The following CNTN4 variants were observed in gnomAD, a reference collection of about 807,000 sequenced individuals.
CNTN4 encodes the protein contactin 4.
Under a neutral mutation model 122.5 loss-of-function variants are expected in CNTN4, and 77 were observed. That is an observed-to-expected ratio of 0.63 (90% CI 0.52 to 0.76). The LOEUF (loss-of-function observed/expected upper bound fraction) is 0.76. CNTN4 is among the 30% of genes least tolerant of loss of function. The pLI, the probability that CNTN4 is intolerant of heterozygous loss-of-function variation, is 0.00. For synonymous variants in CNTN4, 512 were observed against 447.0 expected (o/e 1.15, Z -1.83); for missense variants, 1,256 against 1,259.1 (o/e 1.00, Z 0.04).
chr3:2,387,848 C>CA (rs2046306214), intron 3 of CNTN4, among the ~76,000 whole-genome samples: 1 of 152,114 alleles, frequency 6.6e-6, no homozygotes, highest in Admixed American at 6.6e-5. Flanking sequence ...AGACAGAAAA[C>CA]AAAGAGCTGG....
chr3:2,325,723 G>C (rs2043431750), intron 2 of CNTN4, among the ~76,000 whole-genome samples: 1 of 152,164 alleles, frequency 6.6e-6, no homozygotes, highest in Non-Finnish European at 1.5e-5. Context: ...CCATTTAAGG[G>C]TAGCGAAAAA....
intron 3 of CNTN4, among the ~76,000 whole-genome samples, chr3:2,550,762 A>C (rs1187683215): frequency 6.6e-6 from 1 of 152,178 alleles, no homozygotes; most frequent in Non-Finnish European, 1.5e-5. Context: ...ATGGAATACT[A>C]CGTAGCCATA....
chr3:2,281,456 G>T (rs1465712370), intron 2 of CNTN4, among the ~76,000 whole-genome samples: 1 of 152,048 alleles, frequency 6.6e-6, no homozygotes, highest in Non-Finnish European at 1.5e-5. Flanking sequence ...TAATGCCCTT[G>T]AAGTGTTTTT....
chr3:2,877,023 C>G (rs915416140), intron 8 of CNTN4, among the ~76,000 whole-genome samples: 7 of 152,200 alleles, frequency 4.6e-5, no homozygotes, highest in African/African-American at 7.2e-5. Flanking sequence ...ATCAGAAACT[C>G]AAGCCTTTCA....
chr3:2,832,671 T>G (rs1377439572), intron 7 of CNTN4, among the ~76,000 whole-genome samples: 2 of 152,220 alleles, frequency 1.3e-5, no homozygotes, highest in Non-Finnish European at 2.9e-5. Flanking sequence ...TTCAGTTTAC[T>G]GTGAAAGTGG....
At chr3:2,379,231 T>G (rs1405181252) in intron 3 of CNTN4, among the ~76,000 whole-genome samples, 1 of 152,202 alleles carries the variant, frequency 6.6e-6, no homozygotes, top group African/African-American at 2.4e-5. Context: ...TTCCTTTTTT[T>G]GAATTTCTTT....
chr3:2,758,758 C>T (rs542656143), intron 6 of CNTN4, among the ~76,000 whole-genome samples: 1 of 152,168 alleles, frequency 6.6e-6, no homozygotes, highest in South Asian at 2.1e-4. Context: ...CCACCTGCCT[C>T]GGCCTCCTAA....
intron 4 of CNTN4, among the ~76,000 whole-genome samples, chr3:2,600,592 G>T (rs566060329): frequency 3.9e-5 from 6 of 152,140 alleles, no homozygotes; most frequent in Non-Finnish European, 5.9e-5. Context: ...TCTTAATCCA[G>T]TGTATCATTG....
In CNTN4 at chr3:2,993,813, G is replaced by A. The variant is rs528730213; in HGVS notation, c.1486+5341G>A. ...TCTTGTACCCCTGCTGATCTTGCAT[G>A]CTGGAAATTTCCACATGTCCTTGAG... On this transcript the variant is annotated intron_variant, in intron 14 of 24. Coordinates refer to ENST00000418658, the MANE Select transcript of CNTN4 (RefSeq NM_175607.3). 2.0e-5 allele frequency among the ~76,000 whole-genome samples: 3 copies of A among 152,314 alleles called. No individual in the cohort carries two copies. The East Asian group carries it at 5.8e-4, about 29-fold the overall frequency.
intron 13 of CNTN4, among the ~76,000 whole-genome samples, chr3:2,926,020 C>T (rs910188207): frequency 4.6e-5 from 7 of 152,214 alleles, no homozygotes; most frequent in Non-Finnish European, 1.0e-4. Context: ...CTGAAGACTG[C>T]CAGAGCTGCC....
At chr3:2,405,346 G>T (rs567888521) in intron 3 of CNTN4, among the ~76,000 whole-genome samples, 1 of 152,164 alleles carries the variant, frequency 6.6e-6, no homozygotes, top group Non-Finnish European at 1.5e-5. Context: ...TTCTTCAAAT[G>T]CTCTTTGAAG....
intron 13 of CNTN4, among the ~76,000 whole-genome samples, chr3:2,961,443 T>C (rs566277715): frequency 6.6e-6 from 1 of 152,224 alleles, no homozygotes; most frequent in Non-Finnish European, 1.5e-5. Context: ...TCTGCTAATA[T>C]AATGGACAGT....
At chr3:2,157,004 T>C (rs1341436534) in intron 2 of CNTN4, among the ~76,000 whole-genome samples, 1 of 152,186 alleles carries the variant, frequency 6.6e-6, no homozygotes. Flanking sequence ...ATGACCTTCT[T>C]CCTTTTTGCC....
intron 4 of CNTN4, among the ~76,000 whole-genome samples, chr3:2,628,568 A>G (rs1559323329): frequency 1.3e-5 from 2 of 152,214 alleles, no homozygotes; most frequent in South Asian, 4.1e-4. Flanking sequence ...TCTGATTGCC[A>G]TCAGTAGGGA....
chr3:2,791,752 C>T (rs1199719015), intron 6 of CNTN4, among the ~76,000 whole-genome samples: 1 of 152,208 alleles, frequency 6.6e-6, no homozygotes, highest in Non-Finnish European at 1.5e-5. Context: ...TAGGAATGCA[C>T]TGCCTCTAGG....
intron 4 of CNTN4, among the ~76,000 whole-genome samples, chr3:2,705,322 T>G (rs1238269855): frequency 7.0e-6 from 1 of 142,892 alleles, no homozygotes. Context: ...GAGCCGAGAT[T>G]GTGCCACTGC....
chr3:2,608,663 A>G (rs1339317613), intron 4 of CNTN4, among the ~76,000 whole-genome samples: 11 of 152,052 alleles, frequency 7.2e-5, no homozygotes, highest in African/African-American at 2.4e-4. Flanking sequence ...TTCTCTTTTT[A>G]GTAGACATGG....
chr3:2,674,092 T>A (rs1043488813), intron 4 of CNTN4, among the ~76,000 whole-genome samples: 35 of 152,118 alleles, frequency 2.3e-4, no homozygotes, highest in Non-Finnish European at 4.7e-4. Flanking sequence ...GAAAGAACCA[T>A]GAGAAATAAT....
At chr3:2,455,789 T>C (rs6776144) in intron 3 of CNTN4, among the ~76,000 whole-genome samples, 2,635 of 152,162 alleles carry the variant, frequency 0.017, 75 homozygotes, top group African/African-American at 0.06. Context: ...TGAAAGAGAA[T>C]TGGAACCAAG....
Sources: allele counts gnomAD v4.1 joint callset (sites outside exome capture counted in the v4.1 genomes callset), GRCh38; gene constraint gnomAD v4.1.1; transcripts MANE v1.5; gene names NCBI Gene and HGNC (gene_info 2026-07-23, HGNC 2026-07-21).